TMEM126A: variants seen among roughly 807,000 people sequenced by gnomAD.
TMEM126A encodes optic atrophy 7.
In TMEM126A, 10 loss-of-function variants were observed where a neutral mutation model predicts 18.3. That is an observed-to-expected ratio of 0.55 (90% CI 0.34 to 0.93). The LOEUF (loss-of-function observed/expected upper bound fraction) is 0.93, where lower values mean the gene tolerates loss of function less well. TMEM126A is among the 40% of genes least tolerant of loss of function. The pLI is 0.02. For missense variants in TMEM126A, 246 were observed against 230.2 expected (o/e 1.07, Z -0.44); for synonymous variants, 68 against 78.1 (o/e 0.87, Z 0.68).
intron 2 of TMEM126A, among the ~76,000 whole-genome samples, chr11:85,651,781 C>T (rs1340155262): frequency 6.6e-6 from 1 of 152,150 alleles, no homozygotes; most frequent in Non-Finnish European, 1.5e-5. Context: ...TAGTTGTTTT[C>T]CTGAGGTAAC....
intron 2 of TMEM126A, among the ~76,000 whole-genome samples, chr11:85,653,540 C>T (rs1278225489): frequency 6.6e-6 from 1 of 152,194 alleles, no homozygotes; most frequent in Non-Finnish European, 1.5e-5. Flanking sequence ...CATAACCTGG[C>T]TTCAAATCCA....
At chr11:85,652,500 C>G (rs2082508348) in intron 2 of TMEM126A, among the ~76,000 whole-genome samples, 1 of 152,174 alleles carries the variant, frequency 6.6e-6, no homozygotes, top group Non-Finnish European at 1.5e-5. Context: ...GCAATACTTT[C>G]ACGTACATGT....
chr11:85,651,980 A>G (rs867438605), intron 2 of TMEM126A, among the ~76,000 whole-genome samples: 1 of 152,204 alleles, frequency 6.6e-6, no homozygotes, highest in Admixed American at 6.5e-5. Context: ...CCTGGCCAAC[A>G]TGGCGAAACC....
chr11:85,650,225 AATG>A lies in TMEM126A; in HGVS notation c.-7-21_-7-19del, dbSNP rs752732834. On this transcript the variant is annotated intron_variant, in intron 1 of 4. Transcript: ENST00000304511. The stretch of plus-strand genomic sequence containing the variant: ...AAATTCTTTGTATAAATTCTTGAGA[AATG>A]ATATCTTCATGTTTTTTAAGGCTCA... 3.0e-5 allele frequency: 42 copies of A among 1,413,312 alleles called. No homozygotes were observed. In the South Asian group the frequency reaches 4.6e-4, roughly 15 times the overall value. 87.5% of individuals were successfully genotyped at this position (1,413,312 alleles called of 1,614,324 possible). A position where few individuals can be genotyped will look rare whatever the true frequency, so the allele number is the denominator to read the frequency against.
In TMEM126A at chr11:85,656,291, C is replaced by A. The variant is rs749630223; in HGVS notation, c.396-18C>A. Reference sequence around the variant, plus strand: ...GCAACAATCTTTTCTATTGAACTATCTCAATGTTTTCTTACAGGTATCAAT... The same window carrying A: ...GCAACAATCTTTTCTATTGAACTATATCAATGTTTTCTTACAGGTATCAAT... On this transcript the variant is annotated intron_variant, in intron 4 of 4. Transcript: ENST00000304511. 16 of 1,606,242 alleles carry A rather than the reference C, an allele frequency of 1.0e-5. No individual in the cohort carries two copies. The South Asian group carries it at 1.8e-4, about 18-fold the overall frequency.
intron 3 of TMEM126A, among the ~76,000 whole-genome samples, chr11:85,655,093 AC>A (rs1356791201): frequency 1.3e-5 from 2 of 152,174 alleles, no homozygotes; most frequent in Non-Finnish European, 2.9e-5. Context: ...CATAAAAAAA[AC>A]TTTTGATTAA....
intron 2 of TMEM126A, among the ~76,000 whole-genome samples, chr11:85,650,711 T>C (rs899188800): frequency 6.6e-6 from 1 of 152,170 alleles, no homozygotes; most frequent in South Asian, 2.1e-4. Flanking sequence ...AAGAGTACCA[T>C]AGAACACACA....
rs1565801457 is a variant in TMEM126A at position 85,656,364 on chromosome 11, A to G, written c.451A>G (p.Thr151Ala). 1 of 1,612,898 alleles carries G rather than the reference A, an allele frequency of 6.2e-7. No homozygotes were observed. The highest frequency in any genetic ancestry group is 1.7e-5 in the Admixed American group (1 of 59,984). ...KGNILSYWIR[T>A]SKPVFRKMLF... ...GAACATCTTAAGTTACTGGATTAGA[A>G]CTTCTAAGCCTGTCTTTAGAAAGAT... Residue 151 changes from threonine (T) to alanine (A), a missense_variant, in exon 5 of 5, where the codon ACT becomes GCT. Coordinates refer to ENST00000304511, the MANE Select transcript of TMEM126A (RefSeq NM_032273.4).
intron 3 of TMEM126A, among the ~76,000 whole-genome samples, chr11:85,654,786 G>C (rs1591465381): frequency 6.6e-6 from 1 of 151,662 alleles, no homozygotes; most frequent in East Asian, 1.9e-4. Context: ...CTTTCTCACA[G>C]TGCTCATTTA....
Position 85,656,483 on chromosome 11 carries a change from T to C in TMEM126A, c.570T>C (p.Pro190=). The C allele has an allele frequency of 1.2e-6, 2 of 1,612,854 alleles. No homozygotes were observed. The highest frequency in any genetic ancestry group is 2.2e-5 in the East Asian group (1 of 44,776). Residue 190 remains proline, a synonymous_variant, in exon 5 of 5, where the codon CCT becomes CCC. Transcript: ENST00000304511. ...TAAAGGCCCTTCAGTTATCTGAACC[T>C]GGCAAAGAAATTCACTGATTTTAAA... ...LLIKALQLSE[P]GKEIH is the part of the protein sequence containing the mutation.
chr11:85,656,378 C>T lies in TMEM126A; in HGVS notation c.465C>T (p.Val155=). 6.2e-7 allele frequency: 1 copy of T among 1,613,032 alleles called. No homozygotes were observed. The highest frequency in any genetic ancestry group is 8.5e-7 in the Non-Finnish European group (1 of 1,179,540). The part of the protein sequence containing the change: ...LSYWIRTSKP[V]FRKMLFPILL... Reference sequence around the variant, plus strand: ...ACTGGATTAGAACTTCTAAGCCTGTCTTTAGAAAGATGTTATTTCCTATTT... The same window carrying T: ...ACTGGATTAGAACTTCTAAGCCTGTTTTTAGAAAGATGTTATTTCCTATTT... Residue 155 remains valine, a synonymous_variant, in exon 5 of 5, where the codon GTC becomes GTT. Transcript: ENST00000304511.
intron 3 of TMEM126A, 79 bp from the exon 4 acceptor site, chr11:85,655,514 CA>C (rs1270106960): frequency 5.6e-6 from 6 of 1,071,228 alleles, no homozygotes; most frequent in Admixed American, 5.1e-5. Flanking sequence ...CTGTGATACA[CA>C]AAAGAGGATC....
rs765042337 is a variant in TMEM126A at position 85,654,264 on chromosome 11, C to A, written c.280+8C>A. The A allele has an allele frequency of 1.4e-5, 23 of 1,613,266 alleles. No homozygotes were observed. Among genetic ancestry groups the A allele is most frequent in the Non-Finnish European group, 1.8e-5 (21 of 1,179,614 alleles). Reference sequence around the variant, plus strand: ...GTTTTCCTTTGAATACAGGTAAATTCTACTTCACTATCACCAAAGAGTTTG... The same window carrying A: ...GTTTTCCTTTGAATACAGGTAAATTATACTTCACTATCACCAAAGAGTTTG... On this transcript the variant is annotated splice_region_variant and intron_variant, in intron 3 of 4. Transcript: ENST00000304511.
At chr11:85,655,097 T>C (rs552134450) in intron 3 of TMEM126A, among the ~76,000 whole-genome samples, 110 of 152,282 alleles carry the variant, frequency 7.2e-4, no homozygotes, top group Admixed American at 2.5e-3. Context: ...AAAAAAACTT[T>C]TGATTAATTA....
intron 2 of TMEM126A, among the ~76,000 whole-genome samples, chr11:85,652,575 T>G (rs186840839): frequency 1.4e-3 from 215 of 152,320 alleles, no homozygotes; most frequent in Non-Finnish European, 2.4e-3. Flanking sequence ...CAAAAAGTCA[T>G]GAGTTTTTAG....
intron 3 of TMEM126A, 163 bp from the exon 4 acceptor site, chr11:85,655,431 G>A (rs748584319): frequency 1.6e-4 from 95 of 592,092 alleles, no homozygotes; most frequent in Non-Finnish European, 2.7e-4. Flanking sequence ...GCTATTTTAA[G>A]TTACTCATAG....
intron 1 of TMEM126A, among the ~76,000 whole-genome samples, chr11:85,649,176 C>T (rs753890604): frequency 6.6e-6 from 1 of 152,184 alleles, no homozygotes; most frequent in Non-Finnish European, 1.5e-5. Context: ...CTCAGGTGAT[C>T]CGTCTGCCTT....
chr11:85,651,193 G>T (rs1156247159), intron 2 of TMEM126A, among the ~76,000 whole-genome samples: 1 of 152,008 alleles, frequency 6.6e-6, no homozygotes, highest in African/African-American at 2.4e-5. Context: ...CAGTCAAGAA[G>T]GTCTCTCTGA....
intron 1 of TMEM126A, 76 bp from the exon 2 acceptor site, chr11:85,650,170 GTAT>G (rs1354096225): frequency 6.9e-6 from 6 of 864,338 alleles, no homozygotes; most frequent in African/African-American, 3.4e-5. Flanking sequence ...TAGCTCTACA[GTAT>G]TATTTTTAGT....
Sources: allele counts gnomAD v4.1 joint callset (sites outside exome capture counted in the v4.1 genomes callset), GRCh38; gene constraint gnomAD v4.1.1; transcripts MANE v1.5; gene names NCBI Gene and HGNC (gene_info 2026-07-23, HGNC 2026-07-21).